MXRA7: variants seen among roughly 807,000 people sequenced by gnomAD.
The protein encoded by MXRA7 is matrix-remodeling-associated protein 7.
MXRA7 carries 18 observed loss-of-function variants against 17.4 expected under a neutral mutation model. The observed-to-expected ratio is 1.03, with a 90% CI of 0.71 to 1.53. The LOEUF is 1.53. Ranked by LOEUF, MXRA7 falls within the 40% of genes most tolerant of loss-of-function variation. MXRA7 has a pLI of 0.00. For missense variants in MXRA7, 141 were observed against 209.3 expected (o/e 0.67, Z 2.01); for synonymous variants, 70 against 101.7 (o/e 0.69, Z 1.87).
At chr17:76,693,674 A>T (rs1432389181) in intron 1 of MXRA7, among the ~76,000 whole-genome samples, 1 of 151,900 alleles carries the variant, frequency 6.6e-6, no homozygotes. Flanking sequence ...GTCAAACCTC[A>T]TTTCTACAAA....
intron 1 of MXRA7, among the ~76,000 whole-genome samples, chr17:76,699,953 T>C (rs1456058826): frequency 1.3e-5 from 2 of 152,170 alleles, no homozygotes; most frequent in Non-Finnish European, 2.9e-5. Flanking sequence ...GTTTTATTAT[T>C]ATCATTTTTT....
chr17:76,690,660 C>T (rs2076470645), intron 1 of MXRA7, among the ~76,000 whole-genome samples: 1 of 152,052 alleles, frequency 6.6e-6, no homozygotes, highest in Non-Finnish European at 1.5e-5. Context: ...ATGTAACATC[C>T]TAAATATATA....
At chr17:76,698,201 C>T (rs916154452) in intron 1 of MXRA7, among the ~76,000 whole-genome samples, 1 of 152,208 alleles carries the variant, frequency 6.6e-6, no homozygotes, top group Non-Finnish European at 1.5e-5. Flanking sequence ...CTGCCTGCAG[C>T]AGGCAAGGAT....
intron 3 of MXRA7, 40 bp from the exon 4 acceptor site, chr17:76,680,919 C>A (rs770223430): frequency 1.3e-6 from 2 of 1,520,882 alleles, no homozygotes; most frequent in Admixed American, 3.5e-5. Context: ...ATTTATTTTA[C>A]TCATTCCATC....
chr17:76,704,796 A>T (rs1471943144), intron 1 of MXRA7, among the ~76,000 whole-genome samples: 1 of 151,322 alleles, frequency 6.6e-6, no homozygotes, highest in Non-Finnish European at 1.5e-5. Context: ...AAAAAAAAAA[A>T]AAAAAGAATG....
intron 1 of MXRA7, among the ~76,000 whole-genome samples, chr17:76,693,200 T>C (rs2076494912): frequency 6.6e-6 from 1 of 152,220 alleles, no homozygotes; most frequent in Non-Finnish European, 1.5e-5. Context: ...CTGGGCGCGG[T>C]GGCTCATGCC....
chr17:76,688,491 A>G, intron 1 of MXRA7: 1 of 1,318,700 alleles, frequency 7.6e-7, no homozygotes, highest in Non-Finnish European at 9.6e-7. Context: ...TGGGCCCAGG[A>G]CTCCCACTGC....
At chr17:76,683,747 C>T (rs911583894) in intron 3 of MXRA7, 19 of 784,468 alleles carry the variant, frequency 2.4e-5, no homozygotes, top group Admixed American at 7.8e-5. Flanking sequence ...GTTATGAAGG[C>T]GATGGAGGAG....
At chr17:76,674,927 C>G (rs529101740), downstream of MXRA7, 39 of 152,344 alleles carry the variant, frequency 2.6e-4, no homozygotes, top group African/African-American at 9.4e-4. Context: ...GCCATCTTGC[C>G]ACCATGAGGA....
At chr17:76,677,551 C>T (rs888545399), downstream of MXRA7, 1 of 1,427,106 alleles carries the variant, frequency 7.0e-7, no homozygotes, top group Non-Finnish European at 9.8e-7. Flanking sequence ...GTGGGGACAG[C>T]ATCAGGCATG....
intron 1 of MXRA7, chr17:76,689,615 A>G (rs2076454749): frequency 6.6e-6 from 1 of 152,186 alleles, no homozygotes; most frequent in Non-Finnish European, 1.5e-5. Context: ...GAGCCGCTCC[A>G]TTTGACACAG....
At position 76,681,434 on chromosome 17, in the gene MXRA7, C is replaced by T. The variant is rs1029491049; in HGVS notation, c.501-555G>A. ...GACGCCCTCTCCTGGTGGTCACAGT[C>T]AGCACGCATTTCCAGCCTGAGCTGG... On this transcript the variant is annotated intron_variant, in intron 3 of 3. Coordinates refer to ENST00000449428, the MANE Select transcript of MXRA7 (RefSeq NM_198530.4). This position sits in a 1 kb window ranked among gnomAD's most constrained non-coding sequence, Gnocchi z 4.7. 6.6e-6 allele frequency among the ~76,000 whole-genome samples: 1 copy of T among 152,068 alleles called. No homozygotes were observed. The highest frequency in any genetic ancestry group is 1.5e-5 in the Non-Finnish European group (1 of 68,026).
At chr17:76,683,105 C>T (rs1007681806) in intron 3 of MXRA7, among the ~76,000 whole-genome samples, 1 of 152,252 alleles carries the variant, frequency 6.6e-6, no homozygotes, top group Non-Finnish European at 1.5e-5. Flanking sequence ...CCTCCAGATC[C>T]ATCTGCCTGA....
At chr17:76,701,739 C>T (rs569813367) in intron 1 of MXRA7, among the ~76,000 whole-genome samples, 21 of 152,206 alleles carry the variant, frequency 1.4e-4, no homozygotes, top group African/African-American at 3.9e-4. Flanking sequence ...CGACCCCATC[C>T]GGGCCCCAAC....
At chr17:76,696,924 A>G (rs1157042656) in intron 1 of MXRA7, among the ~76,000 whole-genome samples, 2 of 152,168 alleles carry the variant, frequency 1.3e-5, no homozygotes, top group Admixed American at 6.5e-5. Flanking sequence ...GAGGTCTCAA[A>G]GGAAACGGAA....
At chr17:76,707,646 T>C (rs973117858) in intron 1 of MXRA7, among the ~76,000 whole-genome samples, 5 of 152,162 alleles carry the variant, frequency 3.3e-5, no homozygotes, top group African/African-American at 1.2e-4. Context: ...AGTACCGAGA[T>C]ACTTGAGTCC....
chr17:76,707,551 G>A (rs1333938302), intron 1 of MXRA7, among the ~76,000 whole-genome samples: 1 of 152,026 alleles, frequency 6.6e-6, no homozygotes, highest in East Asian at 1.9e-4. Flanking sequence ...TGATCCTCCT[G>A]CCTCGGCCTC....
chr17:76,682,240 T>A (rs557892079), intron 3 of MXRA7, among the ~76,000 whole-genome samples: 4 of 152,238 alleles, frequency 2.6e-5, no homozygotes, highest in Admixed American at 1.3e-4. Context: ...AGCTTCAGGT[T>A]CTAGATGCAG....
intron 1 of MXRA7, among the ~76,000 whole-genome samples, chr17:76,707,744 A>T (rs529344117): frequency 6.6e-6 from 1 of 152,168 alleles, no homozygotes; most frequent in Admixed American, 6.5e-5. Context: ...CCGACCATCC[A>T]GCCTTGCTCC....
Sources: gnomAD v4.1 joint callset for allele counts (sites outside exome capture counted in the v4.1 genomes callset) on GRCh38, gnomAD v4.1.1 for gene constraint, Gnocchi (gnomAD v3.1) non-coding constraint, MANE v1.5 for transcripts, NCBI Gene and HGNC (gene_info 2026-07-23, HGNC 2026-07-21) for gene names.